TLCD2: variants seen among roughly 807,000 people sequenced by gnomAD.
The protein encoded by TLCD2 is TLC domain-containing protein 2.
In TLCD2, 12 loss-of-function variants were observed where a neutral mutation model predicts 14.0. The ratio of observed to expected loss-of-function variants is 0.86; its 90% confidence interval spans 0.55 to 1.39. The LOEUF is 1.39. Among genes scored for constraint, TLCD2 ranks in the 40% most tolerant of loss-of-function variants. TLCD2 has a pLI of 0.00. For missense variants in TLCD2, 360 were observed against 346.8 expected, an observed-to-expected ratio of 1.04 and a Z score of -0.30; for synonymous variants, 166 against 156.5, an observed-to-expected ratio of 1.06 and a Z score of -0.45.
Position 1,710,259 on chromosome 17 carries a change from G to T in TLCD2, c.-17C>A, listed in dbSNP as rs529013395. ...GGGCGCCATGGCCTGGCGGTTGGGG[G>T]GTTGCGGGGAGTCCGGGTCGGTCCC... On this transcript the variant is annotated 5_prime_UTR_variant, in exon 1 of 4. Coordinates refer to ENST00000330676, the MANE Select transcript of TLCD2 (RefSeq NM_001164407.2). The surrounding 1 kb of genome is among the most constrained non-coding windows in gnomAD (Gnocchi z 6.1). The T allele has an allele frequency of 6.6e-7, 1 of 1,508,494 alleles. No individual in the cohort carries two copies. Among genetic ancestry groups the T allele is most frequent in the East Asian group, 2.6e-5 (1 of 38,610 alleles). The allele number at this position is 1,508,494 out of a possible 1,614,324, so 93.4% of individuals were successfully genotyped here. A position where few individuals can be genotyped will look rare whatever the true frequency, so the allele number is the denominator to read the frequency against.
Position 1,707,839 on chromosome 17 carries a change from C to A in TLCD2, c.726G>T (p.Arg242Ser). 1 of 1,535,496 alleles carries A rather than the reference C, an allele frequency of 6.5e-7. No individual in the cohort carries two copies. Among genetic ancestry groups the A allele is most frequent in the South Asian group, 1.2e-5 (1 of 83,808 alleles). The change falls in exon 4 of 4, where the codon AGG (arginine) becomes AGT (serine). Residue 242 changes from arginine to serine, a missense_variant. By Grantham distance (110) the Arg-to-Ser change is moderately radical (BLOSUM62 -1). Transcript: ENST00000330676. ...HPPSPGHEKTRGTRTRRDNGP... is the reference protein window; with the variant it reads ...HPPSPGHEKTSGTRTRRDNGP... ...CATTGTCACGACGTGTCCTGGTCCC[C>A]CTGGTTTTCTCATGGCCAGGGCTGG...
At chr17:1,709,634 G>A in intron 2 of TLCD2, 53 bp from the exon 3 acceptor site, 1 of 1,486,610 alleles carries the variant, frequency 6.7e-7, no homozygotes, top group Non-Finnish European at 9.1e-7. Flanking sequence ...GCAGCTTAGA[G>A]AGGATTTCCA....
At chr17:1,709,909 T>TGGGG in intron 1 of TLCD2, 23 bp from the exon 2 acceptor site, 1 of 1,128,606 alleles carries the variant, frequency 8.9e-7, no homozygotes, top group Non-Finnish European at 1.3e-6. Flanking sequence ...GGTGGGGACA[T>TGGGG]GGGGGGGGGC....
rs1405868109 is a variant in TLCD2, at chr17:1,702,838, A to G, written c.*4932T>C. 1 of 152,218 alleles carries G rather than the reference A, an allele frequency of 6.6e-6. No individual in the cohort carries two copies. The highest frequency in any genetic ancestry group is 1.5e-5 in the Non-Finnish European group (1 of 68,028). The allele number at this position is 152,218 out of a possible 1,614,324, so 9.4% of individuals were successfully genotyped here. ...CAATTATTTGCATAGCAATTTATTA[A>G]TTTATAATCAGGATAGTGTTTCAAG... is the stretch of plus-strand genomic sequence containing the variant. On this transcript the variant is annotated 3_prime_UTR_variant, in exon 4 of 4. Transcript: ENST00000330676.
In TLCD2 at chr17:1,710,170, G is replaced by A. The variant is rs1457004852; in HGVS notation, c.73C>T (p.Arg25Trp). 1 of 1,533,040 alleles carries A rather than the reference G, an allele frequency of 6.5e-7. No homozygotes were observed. Among genetic ancestry groups the A allele is most frequent in the Admixed American group, 2.0e-5 (1 of 50,940 alleles). The allele number at this position is 1,533,040 out of a possible 1,614,324, so 95.0% of individuals were successfully genotyped here. Residue 25 changes from arginine to tryptophan, a missense_variant, in exon 1 of 4, where the codon CGG becomes TGG. Coordinates refer to ENST00000330676, the MANE Select transcript of TLCD2 (RefSeq NM_001164407.2). This position sits in a 1 kb window ranked among gnomAD's most constrained non-coding sequence, Gnocchi z 6.1. The part of the protein sequence containing the change: ...AFRGLHWGLR[R>W]LPTPESAARD... ...GCGGCCGATTCCGGCGTGGGCAGCCGCCGCAACCCCCAGTGCAGCCCCCGG... is the reference window on the plus strand; with the variant it reads ...GCGGCCGATTCCGGCGTGGGCAGCCACCGCAACCCCCAGTGCAGCCCCCGG...
In TLCD2 at chr17:1,708,100, G is replaced by A. The variant is rs562740958; in HGVS notation, c.465C>T (p.Arg155=). 1 of 1,537,138 alleles carries A rather than the reference G, an allele frequency of 6.5e-7. No individual in the cohort carries two copies. The highest frequency in any genetic ancestry group is 8.7e-7 in the Non-Finnish European group (1 of 1,146,914). Residue 155 remains arginine (R), a synonymous_variant, in exon 4 of 4, where the codon CGC becomes CGT. Coordinates refer to ENST00000330676, the MANE Select transcript of TLCD2 (RefSeq NM_001164407.2). ...LHLRKLLLLS[R]QAPSLAFSVT... ...CGCTGAAGGCCAGGGATGGGGCCTG[G>A]CGAGAAAGCAACAGCAGCTTCCGCA...
At chr17:1,710,000 G>C (rs1597267441) in intron 1 of TLCD2, 67 bp downstream of exon 1, 6 of 1,514,932 alleles carry the variant, frequency 4.0e-6, no homozygotes, top group East Asian at 4.9e-5. Context: ...ACGCCCGGCG[G>C]GTCTCCCGGC....
chr17:1,708,547 T>C (rs1468090713), intron 3 of TLCD2, among the ~76,000 whole-genome samples: 2 of 143,216 alleles, frequency 1.4e-5, no homozygotes, highest in Non-Finnish European at 3.0e-5. Context: ...AGTGCAGTGG[T>C]GTGATCTTGG....
At position 1,703,025 on chromosome 17, in the gene TLCD2, C is replaced by G. The variant is rs142163552; in HGVS notation, c.*4745G>C. ...GAAGCACCACTGTGCTAAGCAGACTCCTACCAAATGGAGCATCTGGCAATC... is the reference window on the plus strand; with the variant it reads ...GAAGCACCACTGTGCTAAGCAGACTGCTACCAAATGGAGCATCTGGCAATC... On this transcript the variant is annotated 3_prime_UTR_variant, in exon 4 of 4. Transcript: ENST00000330676. 7.5e-4 allele frequency: 114 copies of G among 152,162 alleles called. 2 individuals carry two copies. Among genetic ancestry groups the G allele is most frequent in the African/African-American group, 2.6e-3 (108 of 41,514 alleles). 9.4% of individuals were successfully genotyped at this position (152,162 alleles called of 1,614,324 possible).
At chr17:1,709,186 C>G (rs189942359) in intron 3 of TLCD2, among the ~76,000 whole-genome samples, 1 of 151,974 alleles carries the variant, frequency 6.6e-6, no homozygotes, top group Non-Finnish European at 1.5e-5. Context: ...GTCAGAAGTT[C>G]GAGACCAGCC....
In TLCD2 at chr17:1,703,805, C is replaced by T. The variant is rs1195210169; in HGVS notation, c.*3965G>A. On this transcript the variant is annotated 3_prime_UTR_variant, in exon 4 of 4. Coordinates refer to ENST00000330676, the MANE Select transcript of TLCD2 (RefSeq NM_001164407.2). ...TCAACAGATATTTAAGGAATAGATT[C>T]CTCACATGAGTTTGTCATATTTCTT... The T allele has an allele frequency of 6.6e-6, 1 of 152,138 alleles. No homozygotes were observed. Among genetic ancestry groups the T allele is most frequent in the East Asian group, 1.9e-4 (1 of 5,202 alleles). The allele number at this position is 152,138 out of a possible 1,614,324, so 9.4% of individuals were successfully genotyped here.
rs1483525246 is a variant in TLCD2 at position 1,705,039 on chromosome 17, TTCTC to T, written c.*2727_*2730del. On this transcript the variant is annotated 3_prime_UTR_variant, in exon 4 of 4. Coordinates refer to ENST00000330676, the MANE Select transcript of TLCD2 (RefSeq NM_001164407.2). Reference sequence around the variant, plus strand: ...TTGTTCTGTGCTCTCCTCCTTTTTTTTCTCTCTGTGATTCTCTTTGTCAGCTCCT... The same window carrying T: ...TTGTTCTGTGCTCTCCTCCTTTTTTTTCTGTGATTCTCTTTGTCAGCTCCT... The T allele has an allele frequency of 1.3e-5, 2 of 152,092 alleles. No individual in the cohort carries two copies. Among genetic ancestry groups the T allele is most frequent in the South Asian group, 2.1e-4 (1 of 4,828 alleles). 9.4% of individuals were successfully genotyped at this position (152,092 alleles called of 1,614,324 possible).
At chr17:1,709,363 C>G (rs1372023547) in intron 3 of TLCD2, 136 bp downstream of exon 3, 13 of 700,570 alleles carry the variant, frequency 1.9e-5, no homozygotes, top group Non-Finnish European at 3.0e-5. Context: ...GGACCCCAGC[C>G]TGGGTGACAG....
In TLCD2 at chr17:1,709,111, G is replaced by A. The variant is rs891918955; in HGVS notation, c.342+388C>T. Among the ~76,000 whole-genome samples the A allele has an allele frequency of 1.5e-4, 23 of 152,232 alleles. 1 individual carries two copies. Among genetic ancestry groups the A allele is most frequent in the Non-Finnish European group, 2.9e-4 (20 of 68,006 alleles). On this transcript the variant is annotated intron_variant, in intron 3 of 3. Coordinates refer to ENST00000330676, the MANE Select transcript of TLCD2 (RefSeq NM_001164407.2). ...AGGACAGCAAAATGAAGAGAGGGCCGGGGGCGGTGGCTCATGCTTGTAATC... is the reference window on the plus strand; with the variant it reads ...AGGACAGCAAAATGAAGAGAGGGCCAGGGGCGGTGGCTCATGCTTGTAATC...
Position 1,707,273 on chromosome 17 carries a change from G to T in TLCD2, c.*497C>A. On this transcript the variant is annotated 3_prime_UTR_variant, in exon 4 of 4. Coordinates refer to ENST00000330676, the MANE Select transcript of TLCD2 (RefSeq NM_001164407.2). ...GGTTCTGTCTCTTGGCAACTATCACGTCCATCTCTGCTGCTACAGATAGCA... is the reference window on the plus strand; with the variant it reads ...GGTTCTGTCTCTTGGCAACTATCACTTCCATCTCTGCTGCTACAGATAGCA... The T allele has an allele frequency of 6.4e-6, 1 of 156,248 alleles. No individual in the cohort carries two copies. The highest frequency in any genetic ancestry group is 1.4e-5 in the Non-Finnish European group (1 of 70,924). 9.7% of individuals were successfully genotyped at this position (156,248 alleles called of 1,614,324 possible).
Position 1,707,804 on chromosome 17 carries a change from G to T in TLCD2, c.761C>A (p.Thr254Asn). Residue 254 changes from threonine to asparagine, a missense_variant, in exon 4 of 4, where the codon ACC (threonine) becomes AAC (asparagine). Coordinates refer to ENST00000330676, the MANE Select transcript of TLCD2 (RefSeq NM_001164407.2). ...CAGGCTGAGAGTCGAACTGTTGCTG[G>T]TGACAGGTCCATTGTCACGACGTGT... ...TRTRRDNGPV[T>N]SNSSTLSLKD 2.6e-6 allele frequency: 4 copies of T among 1,512,056 alleles called. No individual in the cohort carries two copies. Among genetic ancestry groups the T allele is most frequent in the Non-Finnish European group, 3.5e-6 (4 of 1,132,166 alleles). The allele number at this position is 1,512,056 out of a possible 1,614,324, so 93.7% of individuals were successfully genotyped here. A position where few individuals can be genotyped will look rare whatever the true frequency, so the allele number is the denominator to read the frequency against.
At position 1,709,535 on chromosome 17, in the gene TLCD2, C is replaced by G. The variant is rs1025822129; in HGVS notation, c.306G>C (p.Leu102Phe). Residue 102 changes from leucine to phenylalanine, a missense_variant, in exon 3 of 4, where the codon TTG (leucine) becomes TTC (phenylalanine). Coordinates refer to ENST00000330676, the MANE Select transcript of TLCD2 (RefSeq NM_001164407.2). ...DGADLLWNQT[L>F]GKTWDLLCHH... ...GACAGAGAAGATCCCAGGTCTTGCC[C>G]AAGGTCTGGTTCCACAGCAGGTCAG... 4.1e-5 allele frequency: 63 copies of G among 1,536,994 alleles called. No homozygotes were observed. The highest frequency in any genetic ancestry group is 5.4e-5 in the Non-Finnish European group (62 of 1,146,894).
At position 1,706,773 on chromosome 17, in the gene TLCD2, C is replaced by CAAAAAAAAAAAAAAAAAAA. The variant is rs55703430; in HGVS notation, c.*978_*996dup. ...TGGGCAACAGAGCAAGAACTTGTCTCAAAAAAAAAAAAAAAAAAAGAAAAG... is the reference window on the plus strand; with the variant it reads ...TGGGCAACAGAGCAAGAACTTGTCTCAAAAAAAAAAAAAAAAAAAAAAAAAAAAAAAAAAAAAAGAAAAG... On this transcript the variant is annotated 3_prime_UTR_variant, in exon 4 of 4. Transcript: ENST00000330676. 1.2e-5 allele frequency: 1 copy of CAAAAAAAAAAAAAAAAAAA among 80,166 alleles called. No homozygotes were observed. The highest frequency in any genetic ancestry group is 3.3e-4 in the East Asian group (1 of 3,022). 5.0% of individuals were successfully genotyped at this position (80,166 alleles called of 1,614,324 possible).
Position 1,710,334 on chromosome 17 carries a change from GC to G in TLCD2, c.-93del, listed in dbSNP as rs1567707516. On this transcript the variant is annotated 5_prime_UTR_variant, in exon 1 of 4. Coordinates refer to ENST00000330676, the MANE Select transcript of TLCD2 (RefSeq NM_001164407.2). The surrounding 1 kb of genome is among the most constrained non-coding windows in gnomAD (Gnocchi z 6.1). ...GACTGGGAACCCGTTTCCCGGCAGG[GC>G]TGGGGCCCCGGCTCCCCTCCCCGCC... is the stretch of plus-strand genomic sequence containing the variant. The G allele has an allele frequency of 8.7e-6, 11 of 1,258,538 alleles. No individual in the cohort carries two copies. Among genetic ancestry groups the G allele is most frequent in the Non-Finnish European group, 5.2e-6 (5 of 961,752 alleles). The allele number at this position is 1,258,538 out of a possible 1,614,324, so 78.0% of individuals were successfully genotyped here.
Sources: allele counts gnomAD v4.1 joint callset (sites outside exome capture counted in the v4.1 genomes callset), GRCh38; gene constraint gnomAD v4.1.1; non-coding constraint Gnocchi (gnomAD v3.1); transcripts MANE v1.5; gene names NCBI Gene and HGNC (gene_info 2026-07-23, HGNC 2026-07-21).